Variants in FBXO34 observed in about 807,000 individuals in gnomAD.
FBXO34 encodes F-box only protein 34.
In FBXO34, 12 loss-of-function variants were observed where a neutral mutation model predicts 24.5. That is an observed-to-expected ratio of 0.49 (90% CI 0.31 to 0.79). FBXO34 has a LOEUF of 0.79. Ranked by LOEUF, FBXO34 falls within the 30% of genes least tolerant of loss-of-function variation. The probability of loss-of-function intolerance (pLI) is 0.04; values close to 1 mark genes in which losing one functional copy is unlikely to be tolerated. For missense variants in FBXO34, 823 were observed against 857.7 expected (o/e 0.96, Z 0.51); for synonymous variants, 320 against 311.9 (o/e 1.03, Z -0.27).
chr14:55,298,259 T>C (rs1230098995), intron 1 of FBXO34, among the ~76,000 whole-genome samples: 2 of 152,198 alleles, frequency 1.3e-5, no homozygotes, highest in South Asian at 4.1e-4. Context: ...GTGTATTTTA[T>C]GTGTGGCCCA....
chr14:55,284,255 T>C (rs559494621), intron 1 of FBXO34, among the ~76,000 whole-genome samples: 173 of 152,314 alleles, frequency 1.1e-3, no homozygotes, highest in Non-Finnish European at 5.9e-4. Flanking sequence ...GGCTCACGCT[T>C]GCAGTCCCAG....
At chr14:55,412,787 C>A in the FBXO34 span, among the ~76,000 whole-genome samples, 13 of 152,192 alleles carry the variant, frequency 8.5e-5, no homozygotes, top group Admixed American at 2.6e-4. Context: ...GAACTACTTA[C>A]TAGGTATCAG....
chr14:55,397,259 T>C, the FBXO34 span: 1 of 908,220 alleles, frequency 1.1e-6, no homozygotes, highest in Admixed American at 2.0e-5. Context: ...TAAGAGGTTG[T>C]ATCCTAAATT....
At chr14:55,380,475 C>T in the FBXO34 span, 3 of 785,718 alleles carry the variant, frequency 3.8e-6, no homozygotes, top group Non-Finnish European at 4.2e-6. Flanking sequence ...CTTGGTAATA[C>T]TTACATTCTT....
At chr14:55,395,252 G>A in the FBXO34 span, 198 of 350,376 alleles carry the variant, frequency 5.7e-4, 1 homozygote, top group East Asian at 0.01. Context: ...CAGGGAAGGC[G>A]TGTGCCAAGC....
At chr14:55,324,961 G>A (rs201100013) in intron 1 of FBXO34, among the ~76,000 whole-genome samples, 1 of 152,144 alleles carries the variant, frequency 6.6e-6, no homozygotes, top group African/African-American at 2.4e-5. Flanking sequence ...GATCATCTCC[G>A]AAAGGACGAG....
At chr14:55,411,664 C>G in the FBXO34 span, 1 of 1,613,460 alleles carries the variant, frequency 6.2e-7, no homozygotes, top group Non-Finnish European at 8.5e-7. Context: ...TGGCGCAGGT[C>G]AGCCGCCGGC....
the FBXO34 span, chr14:55,414,109 G>T: frequency 1.8e-5 from 10 of 561,014 alleles, no homozygotes; most frequent in African/African-American, 1.7e-4. Context: ...GAAACGCATT[G>T]AGTCTTCATG....
chr14:55,275,074 T>C (rs1050745939), intron 1 of FBXO34, among the ~76,000 whole-genome samples: 20 of 152,276 alleles, frequency 1.3e-4, no homozygotes, highest in African/African-American at 4.8e-4. Flanking sequence ...CCCCTTTAGT[T>C]AATGCTTATG....
At chr14:55,278,652 A>G (rs1021293381) in intron 1 of FBXO34, among the ~76,000 whole-genome samples, 2 of 152,238 alleles carry the variant, frequency 1.3e-5, no homozygotes, top group African/African-American at 4.8e-5. Flanking sequence ...TTACATTAAA[A>G]TGTAGTTATA....
At chr14:55,394,318 A>ATAAT in the FBXO34 span, among the ~76,000 whole-genome samples, 1 of 152,024 alleles carries the variant, frequency 6.6e-6, no homozygotes, top group Non-Finnish European at 1.5e-5. Context: ...TTTTTCCTTC[A>ATAAT]TAATTGAGAT....
At chr14:55,429,551 G>T in the FBXO34 span, among the ~76,000 whole-genome samples, 2 of 152,138 alleles carry the variant, frequency 1.3e-5, no homozygotes, top group African/African-American at 4.8e-5. Flanking sequence ...CTCACCTGAG[G>T]ACAGTAGCTC....
chr14:55,379,588 AAAAG>A, the FBXO34 span, among the ~76,000 whole-genome samples: 90 of 152,340 alleles, frequency 5.9e-4, no homozygotes, highest in African/African-American at 2.0e-3. Flanking sequence ...AAAAAAATTA[AAAAG>A]AATAAGAATT....
At chr14:55,430,324 C>T in the FBXO34 span, among the ~76,000 whole-genome samples, 1 of 150,626 alleles carries the variant, frequency 6.6e-6, no homozygotes, top group African/African-American at 2.4e-5. Flanking sequence ...CCTTCACCAA[C>T]ACTGCCCCCT....
At chr14:55,436,956 T>A in the FBXO34 span, 1 of 1,614,216 alleles carries the variant, frequency 6.2e-7, no homozygotes, top group Non-Finnish European at 8.5e-7. Context: ...ATGCATTCAG[T>A]ATGTACATAT....
At chr14:55,334,064 T>C (rs892507152) in intron 1 of FBXO34, among the ~76,000 whole-genome samples, 2 of 152,150 alleles carry the variant, frequency 1.3e-5, no homozygotes, top group African/African-American at 2.4e-5. Context: ...TCTGATTACA[T>C]AGGAATGTTT....
exon 3 of FBXO34, chr14:55,367,203 A>T (rs764451148): frequency 4.6e-5 from 7 of 152,186 alleles, no homozygotes; most frequent in Non-Finnish European, 1.0e-4. Flanking sequence ...ACTGTTGTGC[A>T]TCTCTCAGCT....
At chr14:55,398,233 G>A in the FBXO34 span, among the ~76,000 whole-genome samples, 2 of 152,134 alleles carry the variant, frequency 1.3e-5, no homozygotes, top group Non-Finnish European at 2.9e-5. Flanking sequence ...TTACAGGTGT[G>A]AGCCACCGCG....
At chr14:55,389,450 T>C in the FBXO34 span, among the ~76,000 whole-genome samples, 5 of 152,216 alleles carry the variant, frequency 3.3e-5, no homozygotes, top group Non-Finnish European at 7.3e-5. Flanking sequence ...AGTTTAGTAA[T>C]CCCGTGAAAC....
Sources: gnomAD v4.1 joint callset for allele counts (sites outside exome capture counted in the v4.1 genomes callset) on GRCh38, gnomAD v4.1.1 for gene constraint, MANE v1.5 for transcripts, NCBI Gene and HGNC (gene_info 2026-07-23, HGNC 2026-07-21) for gene names.